Variants in RNF144B observed in about 807,000 individuals in gnomAD.
The protein encoded by RNF144B is ring finger protein 144B.
In RNF144B, 25 loss-of-function variants were observed where a neutral mutation model predicts 40.2. The observed-to-expected ratio is 0.62, with a 90% CI of 0.45 to 0.87. The LOEUF (loss-of-function observed/expected upper bound fraction) is 0.87. Among genes scored for constraint, RNF144B ranks in the 40% least tolerant of loss-of-function variants. RNF144B has a pLI of 0.00. For missense variants in RNF144B, 365 were observed against 373.7 expected (o/e 0.98, Z 0.19); for synonymous variants, 145 against 136.3 (o/e 1.06, Z -0.44).
At position 18,441,249 on chromosome 6, in the gene RNF144B, A is replaced by G. The variant is rs528670850; in HGVS notation, c.331+1505A>G. Among the ~76,000 whole-genome samples the G allele has an allele frequency of 2.6e-5, 4 of 152,300 alleles. No homozygotes were observed. The highest frequency in any genetic ancestry group is 4.8e-5 in the African/African-American group (2 of 41,580). The stretch of plus-strand genomic sequence containing the variant: ...TATAAAAATCAATTATAATTAGAAC[A>G]TGGACATTCCCAGTATTCACCCTGT... On this transcript the variant is annotated intron_variant, in intron 4 of 7. Transcript: ENST00000259939. The surrounding 1 kb of genome is among the most constrained non-coding windows in gnomAD (Gnocchi z 4.9).
chr6:18,387,716 A>C (rs1171342627), intron 1 of RNF144B, 86 bp downstream of exon 1: 132 of 1,130,356 alleles, frequency 1.2e-4, no homozygotes, highest in Non-Finnish European at 1.3e-4. Context: ...CAGGAAACTC[A>C]CTGTGACACC....
chr6:18,417,751 A>G (rs544379317), intron 2 of RNF144B, among the ~76,000 whole-genome samples: 1 of 152,210 alleles, frequency 6.6e-6, no homozygotes, highest in East Asian at 1.9e-4. Flanking sequence ...CATCAAAATT[A>G]AAGACCTTTT....
chr6:18,420,885 A>G (rs2113489499), intron 2 of RNF144B, among the ~76,000 whole-genome samples: 1 of 152,288 alleles, frequency 6.6e-6, no homozygotes, highest in Middle Eastern at 3.4e-3. Flanking sequence ...AGTAGTATAT[A>G]AGCATATTTA....
chr6:18,388,075 G>A (rs1794501623), intron 1 of RNF144B, among the ~76,000 whole-genome samples: 1 of 152,196 alleles, frequency 6.6e-6, no homozygotes, highest in East Asian at 1.9e-4. Context: ...CAGGGAAAAG[G>A]TAGGTATCTT....
chr6:18,396,159 C>T lies in RNF144B; in HGVS notation c.-36-3340C>T, dbSNP rs149372200. 2.6e-4 allele frequency among the ~76,000 whole-genome samples: 40 copies of T among 152,234 alleles called. No homozygotes were observed. The East Asian group carries it at 5.6e-3, about 21-fold the overall frequency. ...CTTAGTTTTAAGGAGTAAAAACTTA[C>T]GTACTGTTTATAGTAAGAGACAATT... On this transcript the variant is annotated intron_variant, in intron 1 of 7. Transcript: ENST00000259939.
In RNF144B at chr6:18,441,393, G is replaced by A. The variant is rs10949509; in HGVS notation, c.331+1649G>A. Among the ~76,000 whole-genome samples the A allele has an allele frequency of 0.42, 63,872 of 151,884 alleles. 15,086 individuals are homozygous for A. The highest frequency in any genetic ancestry group is 0.54 in the Non-Finnish European group (36,720 of 67,916). ...TGGTGAGATATGACATATCAACCAC[G>A]TCAGTCCTACTCAGTCACTGGAGCT... On this transcript the variant is annotated intron_variant, in intron 4 of 7. Coordinates refer to ENST00000259939, the MANE Select transcript of RNF144B (RefSeq NM_182757.4). This position sits in a 1 kb window ranked among gnomAD's most constrained non-coding sequence, Gnocchi z 4.9.
rs1408605121 is a variant in RNF144B at position 18,400,829 on chromosome 6, G to C, written c.165+1130G>C. 6.6e-6 allele frequency among the ~76,000 whole-genome samples: 1 copy of C among 152,138 alleles called. No individual in the cohort carries two copies. The highest frequency in any genetic ancestry group is 1.9e-4 in the East Asian group (1 of 5,192). Reference sequence around the variant, plus strand: ...GTTGTGTAGGAGTTCAGGGCTTAGAGGATGTTGCTGTTTTAGGTAGGGGGA... The same window carrying C: ...GTTGTGTAGGAGTTCAGGGCTTAGACGATGTTGCTGTTTTAGGTAGGGGGA... On this transcript the variant is annotated intron_variant, in intron 2 of 7. Coordinates refer to ENST00000259939, the MANE Select transcript of RNF144B (RefSeq NM_182757.4). This position sits in a 1 kb window ranked among gnomAD's most constrained non-coding sequence, Gnocchi z 5.6.
chr6:18,458,560 G>C lies in RNF144B; in HGVS notation c.537-1047G>C, dbSNP rs1451778508. On this transcript the variant is annotated intron_variant, in intron 5 of 7. Coordinates refer to ENST00000259939, the MANE Select transcript of RNF144B (RefSeq NM_182757.4). The surrounding 1 kb of genome is among the most constrained non-coding windows in gnomAD (Gnocchi z 4.8). ...GCCTACATTTTCGTGGCCATAGCAG[G>C]AAGCTCCGTGGGTATCACAGGGCAA... 6.6e-6 allele frequency among the ~76,000 whole-genome samples: 1 copy of C among 152,168 alleles called. No homozygotes were observed. The highest frequency in any genetic ancestry group is 1.5e-5 in the Non-Finnish European group (1 of 68,042).
chr6:18,413,885 C>T (rs1330752227), intron 2 of RNF144B, among the ~76,000 whole-genome samples: 1 of 152,140 alleles, frequency 6.6e-6, no homozygotes, highest in African/African-American at 2.4e-5. Context: ...TGATGTCTAG[C>T]CTTTGAAAAA....
At chr6:18,417,378 A>T (rs1467721563) in intron 2 of RNF144B, among the ~76,000 whole-genome samples, 1 of 152,202 alleles carries the variant, frequency 6.6e-6, no homozygotes, top group African/African-American at 2.4e-5. Flanking sequence ...GGATGGACAG[A>T]TAGATCAATG....
intron 3 of RNF144B, 40 bp downstream of exon 3, chr6:18,427,725 A>C (rs1758591646): frequency 1.6e-6 from 2 of 1,258,936 alleles, no homozygotes; most frequent in Non-Finnish European, 2.3e-6. Flanking sequence ...TTTCCTATTT[A>C]TGTTATTTAT....
Position 18,450,661 on chromosome 6 carries a change from G to A in RNF144B, c.332-6494G>A, listed in dbSNP as rs1052360279. On this transcript the variant is annotated intron_variant, in intron 4 of 7. Coordinates refer to ENST00000259939, the MANE Select transcript of RNF144B (RefSeq NM_182757.4). This position sits in a 1 kb window ranked among gnomAD's most constrained non-coding sequence, Gnocchi z 4.7. ...GCTAATTTTAAGCTACCAAGGTAAT[G>A]TCACTGAACTTGGAGTTGGAAAGAG... Among the ~76,000 whole-genome samples, 8 of 152,194 alleles carry A rather than the reference G, an allele frequency of 5.3e-5. No homozygotes were observed. Among genetic ancestry groups the A allele is most frequent in the Non-Finnish European group, 1.2e-4 (8 of 68,048 alleles).
intron 3 of RNF144B, among the ~76,000 whole-genome samples, chr6:18,437,010 T>C (rs950234368): frequency 2.0e-5 from 3 of 152,096 alleles, no homozygotes; most frequent in Non-Finnish European, 4.4e-5. Flanking sequence ...AAGGGGTAGA[T>C]CTTTTGTAAA....
intron 6 of RNF144B, among the ~76,000 whole-genome samples, chr6:18,462,428 T>A (rs980952640): frequency 4.6e-5 from 7 of 152,166 alleles, no homozygotes; most frequent in African/African-American, 1.7e-4. Flanking sequence ...ATATCCCAGT[T>A]CCCTTTTTAG....
Position 18,441,253 on chromosome 6 carries a change from A to G in RNF144B, c.331+1509A>G, listed in dbSNP as rs1445519155. 6.6e-6 allele frequency among the ~76,000 whole-genome samples: 1 copy of G among 152,214 alleles called. No individual in the cohort carries two copies. Among genetic ancestry groups the G allele is most frequent in the African/African-American group, 2.4e-5 (1 of 41,458 alleles). On this transcript the variant is annotated intron_variant, in intron 4 of 7. Coordinates refer to ENST00000259939, the MANE Select transcript of RNF144B (RefSeq NM_182757.4). The surrounding 1 kb of genome is among the most constrained non-coding windows in gnomAD (Gnocchi z 4.9). ...AAAATCAATTATAATTAGAACATGG[A>G]CATTCCCAGTATTCACCCTGTGGAT... is the stretch of plus-strand genomic sequence containing the variant.
chr6:18,424,253 T>G (rs771385170), intron 2 of RNF144B, among the ~76,000 whole-genome samples: 2 of 152,178 alleles, frequency 1.3e-5, no homozygotes, highest in Non-Finnish European at 2.9e-5. Flanking sequence ...TTAGTGAAAG[T>G]TAATGGGCAG....
intron 4 of RNF144B, among the ~76,000 whole-genome samples, chr6:18,453,658 G>T (rs6939738): frequency 3.9e-5 from 6 of 151,974 alleles, no homozygotes; most frequent in Non-Finnish European, 8.8e-5. Flanking sequence ...GTTTTCTACA[G>T]GATACTGTAT....
At chr6:18,424,370 A>G (rs1319785) in intron 2 of RNF144B, among the ~76,000 whole-genome samples, 19,380 of 152,202 alleles carry the variant, frequency 0.13, 1,390 homozygotes, top group Admixed American at 0.19. Context: ...CACTGATGGA[A>G]TGTCAAGTGC....
chr6:18,405,920 A>T lies in RNF144B; in HGVS notation c.165+6221A>T, dbSNP rs1417236199. On this transcript the variant is annotated intron_variant, in intron 2 of 7. Coordinates refer to ENST00000259939, the MANE Select transcript of RNF144B (RefSeq NM_182757.4). This position sits in a 1 kb window ranked among gnomAD's most constrained non-coding sequence, Gnocchi z 4.5. ...GCCCTAATGTCTTTGTCATAGCATC[A>T]TAGTCCTAGAATTGTAAGTGACCTT... Among the ~76,000 whole-genome samples the T allele has an allele frequency of 6.6e-6, 1 of 152,226 alleles. No homozygotes were observed. The highest frequency in any genetic ancestry group is 6.5e-5 in the Admixed American group (1 of 15,270).
Sources: gnomAD v4.1 joint callset for allele counts (sites outside exome capture counted in the v4.1 genomes callset) on GRCh38, gnomAD v4.1.1 for gene constraint, Gnocchi (gnomAD v3.1) non-coding constraint, MANE v1.5 for transcripts, NCBI Gene and HGNC (gene_info 2026-07-23, HGNC 2026-07-21) for gene names.